Variants in UBE2C observed in about 807,000 individuals in gnomAD.
UBE2C encodes ubiquitin conjugating enzyme E2 C.
A neutral mutation model predicts 23.5 loss-of-function variants in UBE2C; 16 were observed. That is an observed-to-expected ratio of 0.68 (90% CI 0.46 to 1.03). The LOEUF (loss-of-function observed/expected upper bound fraction) is 1.03, where lower values mean the gene tolerates loss of function less well. Among genes scored for constraint, UBE2C ranks in the 50% least tolerant of loss-of-function variants. The pLI, the probability that UBE2C is intolerant of heterozygous loss-of-function variation, is 0.00. For synonymous variants in UBE2C, 76 were observed against 91.6 expected (o/e 0.83, Z 0.97); for missense variants, 192 against 227.6 (o/e 0.84, Z 1.01).
chr20:45,813,318 C>G (rs573537534), intron 1 of UBE2C, 119 bp from the exon 2 acceptor site: 66 of 1,596,190 alleles, frequency 4.1e-5, no homozygotes, highest in Non-Finnish European at 5.6e-5. Context: ...TGAGCCTGAC[C>G]TTGGTGATGT....
At chr20:45,813,594 C>T (rs1210653852) in intron 2 of UBE2C, 130 bp downstream of exon 2, 1 of 1,122,404 alleles carries the variant, frequency 8.9e-7, no homozygotes, top group Non-Finnish European at 1.3e-6. Context: ...GTTCATACAC[C>T]CCACCTACAC....
At position 45,815,607 on chromosome 20, in the gene UBE2C, A is replaced by G. The variant is rs367706641; in HGVS notation, c.283A>G (p.Thr95Ala). Residue 95 changes from threonine to alanine, a missense_variant, in exon 4 of 6, where the codon ACA (threonine) becomes GCA (alanine). Thr to Ala is a moderately conservative substitution (Grantham distance 58). Coordinates refer to ENST00000356455, the MANE Select transcript of UBE2C (RefSeq NM_007019.4). ...FPSGYPYNAPTVKFLTPCYHP... is the reference protein window; with the variant it reads ...FPSGYPYNAPAVKFLTPCYHP... ...CAGTGGCTACCCTTACAATGCGCCCACAGTGAAGTTCCTCACGCCCTGCTA... is the reference window on the plus strand; with the variant it reads ...CAGTGGCTACCCTTACAATGCGCCCGCAGTGAAGTTCCTCACGCCCTGCTA... The G allele has an allele frequency of 1.2e-6, 2 of 1,614,102 alleles. No individual in the cohort carries two copies. The highest frequency in any genetic ancestry group is 2.7e-5 in the African/African-American group (2 of 75,008).
chr20:45,816,736 A>G lies in UBE2C; in HGVS notation c.509A>G (p.Tyr170Cys), dbSNP rs1568717224. Residue 170 changes from tyrosine (Y) to cysteine (C), a missense_variant, in exon 6 of 6, where the codon TAC becomes TGC. Coordinates refer to ENST00000356455, the MANE Select transcript of UBE2C (RefSeq NM_007019.4). ...TTTAAGAAGTACCTGCAAGAAACCT[A>G]CTCAAAGCAGGTCACCAGCCAGGAG... ...TAFKKYLQET[Y>C]SKQVTSQEP is the part of the protein sequence containing the mutation. 1.9e-6 allele frequency: 3 copies of G among 1,613,552 alleles called. No homozygotes were observed. Among genetic ancestry groups the G allele is most frequent in the East Asian group, 2.2e-5 (1 of 44,876 alleles).
At chr20:45,814,299 T>C in intron 2 of UBE2C, 85 bp from the exon 3 acceptor site, 1 of 435,960 alleles carries the variant, frequency 2.3e-6, no homozygotes, top group Non-Finnish European at 3.6e-6. Context: ...TATATATATA[T>C]AAAATTAAGG....
intron 1 of UBE2C, chr20:45,813,025 G>A: frequency 7.0e-7 from 1 of 1,426,138 alleles, no homozygotes; most frequent in Non-Finnish European, 9.1e-7. Flanking sequence ...CGAGAGATGG[G>A]GGACAGGCCA....
intron 2 of UBE2C, among the ~76,000 whole-genome samples, 195 bp downstream of exon 2, chr20:45,813,659 C>T (rs944515919): frequency 3.9e-5 from 6 of 152,120 alleles, no homozygotes; most frequent in African/African-American, 1.2e-4. Flanking sequence ...GAAGTTATCT[C>T]GAACACTTCC....
At chr20:45,814,046 G>A (rs528476189) in intron 2 of UBE2C, among the ~76,000 whole-genome samples, 22 of 151,786 alleles carry the variant, frequency 1.4e-4, no homozygotes, top group Admixed American at 6.6e-4. Context: ...CAGAGGTTGC[G>A]GTGAGCCGAG....
At chr20:45,813,511 G>T in intron 2 of UBE2C, 47 bp downstream of exon 2, 1 of 1,613,734 alleles carries the variant, frequency 6.2e-7, no homozygotes, top group Non-Finnish European at 8.5e-7. Flanking sequence ...CCAATTTTCA[G>T]TAGCCTCCTT....
At chr20:45,816,603 C>T in intron 5 of UBE2C, 106 bp from the exon 6 acceptor site, 4 of 1,013,644 alleles carry the variant, frequency 3.9e-6, no homozygotes, top group Non-Finnish European at 6.0e-6. Flanking sequence ...TGCTATTGCA[C>T]TCCAGCTTGG....
intron 3 of UBE2C, among the ~76,000 whole-genome samples, chr20:45,815,112 C>T (rs1982379478): frequency 6.6e-6 from 1 of 151,790 alleles, no homozygotes; most frequent in Admixed American, 6.6e-5. Context: ...GCTGGGATTA[C>T]AGGCGTGAGC....
At chr20:45,814,347 T>C (rs775872281) in intron 2 of UBE2C, 37 bp from the exon 3 acceptor site, 1 of 1,549,434 alleles carries the variant, frequency 6.5e-7, no homozygotes, top group Non-Finnish European at 8.8e-7. Context: ...TGCCCAAAAG[T>C]GTACTCCACA....
intron 1 of UBE2C, 183 bp downstream of exon 1, chr20:45,812,979 C>A (rs549403103): frequency 2.7e-5 from 39 of 1,431,818 alleles, no homozygotes; most frequent in Admixed American, 5.8e-5. Context: ...AGGGCGGAGA[C>A]TTCCGGGACT....
chr20:45,816,372 A>G (rs1299885827), intron 5 of UBE2C, among the ~76,000 whole-genome samples: 1 of 151,970 alleles, frequency 6.6e-6, no homozygotes, highest in Non-Finnish European at 1.5e-5. Context: ...ACAGTGGCTC[A>G]TGCCTGTAAT....
rs113927455 is a variant in UBE2C, at chr20:45,814,301, A to T, written c.130-83A>T. On this transcript the variant is annotated intron_variant, in intron 2 of 5. Transcript: ENST00000356455. ...ATATATATATATATATATATATATA[A>T]AATTAAGGGGAAAGCTCACCCACTG... is the stretch of plus-strand genomic sequence containing the variant. 78 of 469,662 alleles carry T rather than the reference A, an allele frequency of 1.7e-4. 1 individual carries two copies. The highest frequency in any genetic ancestry group is 8.0e-4 in the East Asian group (14 of 17,586). The allele number at this position is 469,662 out of a possible 1,614,324, so 29.1% of individuals were successfully genotyped here. A position where few individuals can be genotyped will look rare whatever the true frequency, so the allele number is the denominator to read the frequency against.
chr20:45,816,613 G>C lies in UBE2C; in HGVS notation c.482-96G>C, dbSNP rs1179620709. 2.6e-5 allele frequency: 30 copies of C among 1,159,226 alleles called. No homozygotes were observed. The South Asian group carries it at 3.6e-4, about 14-fold the overall frequency. The allele number at this position is 1,159,226 out of a possible 1,614,324, so 71.8% of individuals were successfully genotyped here. A position where few individuals can be genotyped will look rare whatever the true frequency, so the allele number is the denominator to read the frequency against. ...CATCATGCTATTGCACTCCAGCTTG[G>C]TCAACAGAGTGAGACTCCATCTCAA... On this transcript the variant is annotated intron_variant, in intron 5 of 5. Coordinates refer to ENST00000356455, the MANE Select transcript of UBE2C (RefSeq NM_007019.4).
intron 3 of UBE2C, 144 bp from the exon 4 acceptor site, chr20:45,815,397 G>C (rs1982414027): frequency 2.5e-6 from 4 of 1,596,882 alleles, no homozygotes; most frequent in South Asian, 2.3e-5. Flanking sequence ...AAGGCAGTGG[G>C]GAGCATCAGA....
In UBE2C at chr20:45,814,427, A is replaced by C; in HGVS notation, c.173A>C (p.Asn58Thr). ...ATTTCTGCCTTCCCTGAATCAGACA[A>C]CCTTTTCAAATGGGTAGGGACCATC... is the stretch of plus-strand genomic sequence containing the variant. ...KGISAFPESD[N>T]LFKWVGTIHG... is the part of the protein sequence containing the mutation. The change falls in exon 3 of 6, where the codon AAC (asparagine) becomes ACC (threonine). Residue 58 changes from asparagine (N) to threonine (T), a missense_variant. By Grantham distance (65) the Asn-to-Thr change is moderately conservative (BLOSUM62 0). Coordinates refer to ENST00000356455, the MANE Select transcript of UBE2C (RefSeq NM_007019.4). The C allele has an allele frequency of 6.2e-7, 1 of 1,611,306 alleles. No individual in the cohort carries two copies. The highest frequency in any genetic ancestry group is 8.5e-7 in the Non-Finnish European group (1 of 1,178,708).
At position 45,815,586 on chromosome 20, in the gene UBE2C, G is replaced by A; in HGVS notation, c.262G>A (p.Gly88Ser). The A allele has an allele frequency of 6.2e-7, 1 of 1,614,000 alleles. No homozygotes were observed. Among genetic ancestry groups the A allele is most frequent in the African/African-American group, 1.3e-5 (1 of 74,988 alleles). ...RYKLSLEFPS[G>S]YPYNAPTVKF... ...TAAGCTCTCGCTAGAGTTCCCCAGTGGCTACCCTTACAATGCGCCCACAGT... is the reference window on the plus strand; with the variant it reads ...TAAGCTCTCGCTAGAGTTCCCCAGTAGCTACCCTTACAATGCGCCCACAGT... Residue 88 changes from glycine to serine, a missense_variant, in exon 4 of 6, where the codon GGC becomes AGC. By Grantham distance (56) the Gly-to-Ser change is moderately conservative. Coordinates refer to ENST00000356455, the MANE Select transcript of UBE2C (RefSeq NM_007019.4).
Position 45,815,597 on chromosome 20 carries a change from C to T in UBE2C, c.273C>T (p.Tyr91=), listed in dbSNP as rs1253944197. The change falls in exon 4 of 6, where the codon TAC becomes TAT. Residue 91 remains tyrosine (Y), a synonymous_variant. Coordinates refer to ENST00000356455, the MANE Select transcript of UBE2C (RefSeq NM_007019.4). ...TAGAGTTCCCCAGTGGCTACCCTTA[C>T]AATGCGCCCACAGTGAAGTTCCTCA... ...LSLEFPSGYP[Y]NAPTVKFLTP... 14 of 1,614,008 alleles carry T rather than the reference C, an allele frequency of 8.7e-6. No homozygotes were observed. Among genetic ancestry groups the T allele is most frequent in the African/African-American group, 1.3e-5 (1 of 74,914 alleles).
Sources: gnomAD v4.1 joint callset for allele counts (sites outside exome capture counted in the v4.1 genomes callset) on GRCh38, gnomAD v4.1.1 for gene constraint, MANE v1.5 for transcripts, NCBI Gene and HGNC (gene_info 2026-07-23, HGNC 2026-07-21) for gene names.